Variants in PDGFRL observed in about 807,000 individuals in gnomAD.
PDGFRL encodes the protein platelet derived growth factor receptor like, also known as platelet-derived growth factor receptor-like protein.
In PDGFRL, 46 loss-of-function variants were observed where a neutral mutation model predicts 37.2. That is an observed-to-expected ratio of 1.24 (90% CI 0.98 to 1.58). The LOEUF (loss-of-function observed/expected upper bound fraction) is 1.58, where lower values mean the gene tolerates loss of function less well. Ranked by LOEUF, PDGFRL falls within the 40% of genes most tolerant of loss-of-function variation. The pLI is 0.00. For synonymous variants in PDGFRL, 251 were observed against 184.3 expected, an observed-to-expected ratio of 1.36 and a Z score of -2.93; for missense variants, 692 against 467.6, an observed-to-expected ratio of 1.48 and a Z score of -4.43.
chr8:17,629,501 AC>A (rs1484364501), intron 4 of PDGFRL, among the ~76,000 whole-genome samples: 1 of 151,956 alleles, frequency 6.6e-6, no homozygotes, highest in Non-Finnish European at 1.5e-5. Context: ...TCCTTCTTGT[AC>A]CCATTGCCAC....
At chr8:17,589,876 T>A (rs1382196968) in intron 2 of PDGFRL, 111 bp downstream of exon 2, 1 of 672,644 alleles carries the variant, frequency 1.5e-6, no homozygotes, top group African/African-American at 1.8e-5. Flanking sequence ...TTTACCCTAA[T>A]AGATCATAAA....
In PDGFRL at chr8:17,628,518, C is replaced by G. The variant is rs1383197012; in HGVS notation, c.537C>G (p.Ser179Arg). 2 of 1,613,938 alleles carry G rather than the reference C, an allele frequency of 1.2e-6. No individual in the cohort carries two copies. ...GAGAACTCTTTGTACCTTCTCCCAG[C>G]TACTTCGATGTTGTCTACTTGAACC... is the stretch of plus-strand genomic sequence containing the variant. ...EKGELFVPSP[S>R]YFDVVYLNPD... Residue 179 changes from serine to arginine, a missense_variant, in exon 4 of 6, where the codon AGC becomes AGG. By Grantham distance (110) the Ser-to-Arg change is moderately radical. Coordinates refer to ENST00000251630, the MANE Select transcript of PDGFRL (RefSeq NM_001372073.1).
intron 4 of PDGFRL, 34 bp from the exon 5 acceptor site, chr8:17,634,040 G>T (rs780960127): frequency 1.2e-5 from 19 of 1,609,004 alleles, no homozygotes; most frequent in Non-Finnish European, 1.5e-5. Context: ...TTACACTCGG[G>T]GTCTCACTCT....
chr8:17,596,182 G>A (rs1016714326), intron 2 of PDGFRL: 5 of 412,394 alleles, frequency 1.2e-5, no homozygotes, highest in East Asian at 3.6e-5. Flanking sequence ...GCAGTTAGGA[G>A]CCCACATTCA....
At chr8:17,587,980 G>C (rs1803852604) in intron 1 of PDGFRL, among the ~76,000 whole-genome samples, 1 of 151,986 alleles carries the variant, frequency 6.6e-6, no homozygotes, top group Non-Finnish European at 1.5e-5. Context: ...GTGGCTGCAA[G>C]GGGCTTAGCT....
rs201947015 is a variant in PDGFRL at position 17,589,551 on chromosome 8, C to G, written c.139C>G (p.Pro47Ala). The G allele has an allele frequency of 1.9e-6, 3 of 1,613,246 alleles. No individual in the cohort carries two copies. Among genetic ancestry groups the G allele is most frequent in the African/African-American group, 2.7e-5 (2 of 74,998 alleles). Residue 47 changes from proline (P) to alanine (A), a missense_variant, in exon 2 of 6, where the codon CCC becomes GCC. Physicochemically the swap from Pro to Ala is conservative, Grantham distance 27. Coordinates refer to ENST00000251630, the MANE Select transcript of PDGFRL (RefSeq NM_001372073.1). The stretch of plus-strand genomic sequence containing the variant: ...CAAACCTACCAACAAGAAGGTGAAG[C>G]CCAAAATTCCTAAAATGAAGGACAG... ...RIKPTNKKVK[P>A]KIPKMKDRDS...
At chr8:17,605,053 G>A (rs1372449314) in intron 2 of PDGFRL, among the ~76,000 whole-genome samples, 2 of 152,154 alleles carry the variant, frequency 1.3e-5, no homozygotes, top group Non-Finnish European at 2.9e-5. Context: ...GGAGGTGGAG[G>A]CTGCAGTGAG....
At chr8:17,628,820 C>T (rs1432135089) in intron 4 of PDGFRL, 40 bp downstream of exon 4, 20 of 1,466,512 alleles carry the variant, frequency 1.4e-5, no homozygotes, top group East Asian at 6.8e-5. Flanking sequence ...AGTTAGTCCC[C>T]TGGTCAGTTT....
intron 5 of PDGFRL, among the ~76,000 whole-genome samples, 184 bp from the exon 6 acceptor site, chr8:17,642,429 A>T (rs774477959): frequency 1.5e-4 from 23 of 152,268 alleles, no homozygotes; most frequent in Admixed American, 3.9e-4. Context: ...TGTTTGGAAA[A>T]AATGCAACCT....
intron 3 of PDGFRL, among the ~76,000 whole-genome samples, chr8:17,625,002 T>A (rs1585327756): frequency 8.4e-6 from 1 of 119,490 alleles, no homozygotes; most frequent in African/African-American, 2.7e-5. Context: ...TATTTATTAT[T>A]ATTATACTTT....
At chr8:17,598,268 G>C (rs1418169792) in intron 2 of PDGFRL, among the ~76,000 whole-genome samples, 1 of 152,148 alleles carries the variant, frequency 6.6e-6, no homozygotes, top group African/African-American at 2.4e-5. Context: ...AGTTTCCCTA[G>C]AACCCAGTTG....
chr8:17,606,902 T>G (rs1175514139), intron 2 of PDGFRL, among the ~76,000 whole-genome samples: 7 of 144,348 alleles, frequency 4.8e-5, no homozygotes, highest in African/African-American at 7.7e-5. Flanking sequence ...TTGTTTTTTT[T>G]TTTTTTTTTT....
chr8:17,608,229 C>G (rs1252860319), intron 2 of PDGFRL, among the ~76,000 whole-genome samples: 2 of 151,990 alleles, frequency 1.3e-5, no homozygotes, highest in African/African-American at 2.4e-5. Flanking sequence ...GCACTCCTCT[C>G]TCTCCATCCC....
chr8:17,602,948 T>C (rs1804197155), intron 2 of PDGFRL, among the ~76,000 whole-genome samples: 1 of 152,238 alleles, frequency 6.6e-6, no homozygotes, highest in Admixed American at 6.5e-5. Context: ...TTTTAAACAG[T>C]ATAGAATTCA....
intron 2 of PDGFRL, among the ~76,000 whole-genome samples, chr8:17,591,848 G>A (rs1407837483): frequency 3.3e-5 from 5 of 152,102 alleles, no homozygotes; most frequent in Non-Finnish European, 5.9e-5. Context: ...CCTGGGAGGC[G>A]GAGGTTGCAG....
chr8:17,579,065 G>A (rs1248140582), intron 1 of PDGFRL, among the ~76,000 whole-genome samples: 2 of 152,080 alleles, frequency 1.3e-5, no homozygotes, highest in Non-Finnish European at 2.9e-5. Context: ...GGGCGTGGTG[G>A]TGGGCACGTG....
At chr8:17,587,022 ATAGT>A (rs1274960088) in intron 1 of PDGFRL, among the ~76,000 whole-genome samples, 7 of 152,184 alleles carry the variant, frequency 4.6e-5, no homozygotes, top group Middle Eastern at 3.2e-3. Context: ...ACCAATTGAC[ATAGT>A]TAGGCTGAAG....
At chr8:17,587,602 G>C (rs1269522475) in intron 1 of PDGFRL, among the ~76,000 whole-genome samples, 1 of 151,946 alleles carries the variant, frequency 6.6e-6, no homozygotes, top group Non-Finnish European at 1.5e-5. Context: ...GCAGTGCAGT[G>C]GTACAATCAT....
intron 2 of PDGFRL, among the ~76,000 whole-genome samples, chr8:17,605,991 CAG>C (rs1452317521): frequency 6.6e-6 from 1 of 152,140 alleles, no homozygotes; most frequent in Non-Finnish European, 1.5e-5. Context: ...GCCGATGGAG[CAG>C]AGAGTGGGCT....
Sources: allele counts gnomAD v4.1 joint callset (sites outside exome capture counted in the v4.1 genomes callset), GRCh38; gene constraint gnomAD v4.1.1; transcripts MANE v1.5; gene names NCBI Gene and HGNC (gene_info 2026-07-23, HGNC 2026-07-21).